The following PARP14 variants were observed in gnomAD, a reference collection of about 807,000 sequenced individuals.
PARP14 encodes protein mono-ADP-ribosyltransferase PARP14.
A neutral mutation model predicts 154.2 loss-of-function variants in PARP14; 59 were observed. The observed-to-expected ratio is 0.38, with a 90% CI of 0.31 to 0.48. The LOEUF (loss-of-function observed/expected upper bound fraction) is 0.48. Among genes scored for constraint, PARP14 ranks in the 20% least tolerant of loss-of-function variants. PARP14 has a pLI of 0.98. For missense variants in PARP14, 1,734 were observed against 2,131.6 expected, an observed-to-expected ratio of 0.81 and a Z score of 3.67; for synonymous variants, 720 against 780.5, an observed-to-expected ratio of 0.92 and a Z score of 1.29.
chr3:122,692,859 T>C (rs1371912301), intron 4 of PARP14, among the ~76,000 whole-genome samples: 2 of 152,100 alleles, frequency 1.3e-5, no homozygotes, highest in Non-Finnish European at 2.9e-5. Flanking sequence ...GTCCAAGTGA[T>C]TCCAAGTACA....
chr3:122,703,304 A>G (rs1285602715), intron 6 of PARP14, among the ~76,000 whole-genome samples: 1 of 152,102 alleles, frequency 6.6e-6, no homozygotes, highest in Admixed American at 6.5e-5. Flanking sequence ...GTTTACCCCC[A>G]GTGTAACATT....
intron 11 of PARP14, 23 bp downstream of exon 11, chr3:122,713,957 G>A: frequency 2.5e-6 from 4 of 1,574,080 alleles, no homozygotes; most frequent in Non-Finnish European, 3.5e-6. Flanking sequence ...CTATTTTTTG[G>A]TCCTAAGTTG....
chr3:122,690,054 T>G (rs1938491415), intron 3 of PARP14, among the ~76,000 whole-genome samples: 1 of 152,216 alleles, frequency 6.6e-6, no homozygotes, highest in Admixed American at 6.5e-5. Flanking sequence ...CCTCCTCTTC[T>G]CTCAAGTCTT....
rs1939094371 is a variant in PARP14 at position 122,704,676 on chromosome 3, T to C, written c.3468T>C (p.Ser1156=). ...TCATTTCAGAGGTGTTCAAATTTAG[T>C]AGCAAGAATCAGCTGAAAACTTTAC... ...ELIISEVFKF[S]SKNQLKTLQE... The change falls in exon 8 of 17, where the codon AGT becomes AGC. Residue 1156 remains serine, a synonymous_variant. Transcript: ENST00000474629. 1.9e-6 allele frequency: 3 copies of C among 1,607,282 alleles called. No individual in the cohort carries two copies. In the African/African-American group the frequency reaches 4.0e-5, roughly 21 times the overall value.
intron 9 of PARP14, among the ~76,000 whole-genome samples, chr3:122,710,635 T>C (rs955677538): frequency 1.3e-5 from 2 of 152,104 alleles, no homozygotes; most frequent in African/African-American, 4.8e-5. Context: ...AATCTGTAGA[T>C]TGCTTTGGGC....
At position 122,730,633 on chromosome 3, in the gene PARP14, T is replaced by A. The variant is rs1484315985; in HGVS notation, c.*2036T>A. ...TGGCATCTGAATTCATCATTGACAA[T>A]AAATGTAAGAAATTGGAATAAAAAA... On this transcript the variant is annotated 3_prime_UTR_variant, in exon 17 of 17. Transcript: ENST00000474629. 1 of 152,608 alleles carries A rather than the reference T, an allele frequency of 6.6e-6. No homozygotes were observed. The highest frequency in any genetic ancestry group is 2.4e-5 in the African/African-American group (1 of 41,446). 9.5% of individuals were successfully genotyped at this position (152,608 alleles called of 1,614,324 possible). A position where few individuals can be genotyped will look rare whatever the true frequency, so the allele number is the denominator to read the frequency against.
At chr3:122,702,996 AAAAAAAAAAAAAAAC>A (rs1939025977) in intron 6 of PARP14, among the ~76,000 whole-genome samples, 1 of 133,024 alleles carries the variant, frequency 7.5e-6, no homozygotes, top group Non-Finnish European at 1.7e-5. Flanking sequence ...TCTCTCTTAA[AAAAAAAAAAAAAAAC>A]AAAAAAAAAA....
chr3:122,702,112 T>C (rs994089244), intron 6 of PARP14, among the ~76,000 whole-genome samples: 1 of 152,028 alleles, frequency 6.6e-6, no homozygotes, highest in Non-Finnish European at 1.5e-5. Context: ...AGTGAGGAAG[T>C]GAAAAGTGGA....
Position 122,699,893 on chromosome 3 carries a change from G to A in PARP14, c.1339G>A (p.Val447Ile), listed in dbSNP as rs752385922. 4.2e-5 allele frequency: 67 copies of A among 1,613,932 alleles called. No individual in the cohort carries two copies. In the South Asian group the frequency reaches 7.1e-4, roughly 17 times the overall value. ...ATCAGAGGATGTCCAAAGCATTGAG[G>A]TACAAGTCAGGGAGTTAATAGAAAG... is the stretch of plus-strand genomic sequence containing the variant. ...GKSEDVQSIEVQVRELIESTT... is the reference protein window; with the variant it reads ...GKSEDVQSIEIQVRELIESTT... The change falls in exon 6 of 17, where the codon GTA (valine) becomes ATA (isoleucine). Residue 447 changes from valine to isoleucine, a missense_variant. Physicochemically the swap from Val to Ile is conservative, Grantham distance 29. Transcript: ENST00000474629.
chr3:122,704,400 T>C (rs1939081775), intron 7 of PARP14, 127 bp from the exon 8 acceptor site: 1 of 615,652 alleles, frequency 1.6e-6, no homozygotes, highest in Non-Finnish European at 2.9e-6. Context: ...CCTCTTCTGA[T>C]TGCCCTTAAT....
chr3:122,697,144 G>A (rs1168924528), intron 5 of PARP14, among the ~76,000 whole-genome samples: 1 of 151,980 alleles, frequency 6.6e-6, no homozygotes, highest in African/African-American at 2.4e-5. Context: ...AGTAGAGATG[G>A]AGTTTCGCCA....
At position 122,727,873 on chromosome 3, in the gene PARP14, A is replaced by G; in HGVS notation, c.5003A>G (p.Asp1668Gly). 1 of 1,613,442 alleles carries G rather than the reference A, an allele frequency of 6.2e-7. No individual in the cohort carries two copies. Among genetic ancestry groups the G allele is most frequent in the Non-Finnish European group, 8.5e-7 (1 of 1,179,364 alleles). Residue 1668 changes from aspartate (D) to glycine (G), a missense_variant, in exon 16 of 17, where the codon GAT becomes GGT. Around this residue, in one of 2 missense-constraint regions of PARP14, gnomAD observed 1,646 missense variants for 1,976.0 expected, o/e 0.83. Coordinates refer to ENST00000474629, the MANE Select transcript of PARP14 (RefSeq NM_017554.3). The stretch of plus-strand genomic sequence containing the variant: ...TACCAGGCAAAGAAAAAAACTATGG[A>G]TGCCAAGAATGGCCAGACAATGAAT... ...NSYQAKKKTMDAKNGQTMNEK... is the reference protein window; with the variant it reads ...NSYQAKKKTMGAKNGQTMNEK...
rs1481866816 is a variant in PARP14, at chr3:122,716,972, G to A, written c.4001-1099G>A. 2.0e-5 allele frequency among the ~76,000 whole-genome samples: 3 copies of A among 152,210 alleles called. No homozygotes were observed. In the East Asian group the frequency reaches 5.8e-4, roughly 29 times the overall value. Reference sequence around the variant, plus strand: ...TAGCCAGTGATAGGACATAGCAGATGTTTCTTGAAAGTGAATGAATGTAAC... The same window carrying A: ...TAGCCAGTGATAGGACATAGCAGATATTTCTTGAAAGTGAATGAATGTAAC... On this transcript the variant is annotated intron_variant, in intron 12 of 16. Transcript: ENST00000474629.
chr3:122,724,453 C>T (rs1383773728), intron 15 of PARP14, among the ~76,000 whole-genome samples: 1 of 150,002 alleles, frequency 6.7e-6, no homozygotes, highest in Admixed American at 6.6e-5. Context: ...CACATGCCAC[C>T]ACGCCTATTT....
At chr3:122,720,441 T>G (rs770597753) in intron 15 of PARP14, 53 bp downstream of exon 15, 24 of 1,545,084 alleles carry the variant, frequency 1.6e-5, no homozygotes, top group Non-Finnish European at 2.1e-5. Flanking sequence ...AGTTCTGTCA[T>G]GGTCCTATAT....
At position 122,704,563 on chromosome 3, in the gene PARP14, A is replaced by G. The variant is rs372485984; in HGVS notation, c.3355A>G (p.Thr1119Ala). The G allele has an allele frequency of 3.4e-5, 54 of 1,606,402 alleles. No homozygotes were observed. The highest frequency in any genetic ancestry group is 4.3e-5 in the Non-Finnish European group (51 of 1,175,458). The change falls in exon 8 of 17, where the codon ACT becomes GCT. Residue 1119 changes from threonine (T) to alanine (A), a missense_variant. This residue lies in a region of PARP14 where 1,646 missense variants were observed against 1,976.0 expected (regional missense o/e 0.83). Coordinates refer to ENST00000474629, the MANE Select transcript of PARP14 (RefSeq NM_017554.3). Reference sequence around the variant, plus strand: ...CATAATCAGAGAATGTATGGAGATCACTGAGAGCTTGTCCTTAAAATCAAT... The same window carrying G: ...CATAATCAGAGAATGTATGGAGATCGCTGAGAGCTTGTCCTTAAAATCAAT... ...EDIIRECMEI[T>A]ESLSLKSIAF...
chr3:122,697,996 G>A (rs1247118294), intron 5 of PARP14, among the ~76,000 whole-genome samples: 1 of 152,164 alleles, frequency 6.6e-6, no homozygotes, highest in African/African-American at 2.4e-5. Context: ...TGTAAAATGG[G>A]GTTCACATTA....
At chr3:122,708,319 G>C in intron 9 of PARP14, 51 bp downstream of exon 9, 1 of 935,586 alleles carries the variant, frequency 1.1e-6, no homozygotes, top group East Asian at 2.6e-5. Flanking sequence ...CTAAGTAACT[G>C]TTCATTGGCA....
At chr3:122,726,085 C>T (rs905349277) in intron 15 of PARP14, among the ~76,000 whole-genome samples, 1 of 152,108 alleles carries the variant, frequency 6.6e-6, no homozygotes, top group Non-Finnish European at 1.5e-5. Flanking sequence ...TTTTGTGTTG[C>T]TTTTAACACA....
Sources: allele counts gnomAD v4.1 joint callset (sites outside exome capture counted in the v4.1 genomes callset), GRCh38; gene constraint gnomAD v4.1.1; regional missense constraint gnomAD v4.1.1; transcripts MANE v1.5; gene names NCBI Gene and HGNC (gene_info 2026-07-23, HGNC 2026-07-21).